Variants in NCKAP1L observed in about 807,000 individuals in gnomAD.
The protein encoded by NCKAP1L is nck-associated protein 1-like.
In NCKAP1L, 53 loss-of-function variants were observed where a neutral mutation model predicts 139.2. The ratio of observed to expected loss-of-function variants is 0.38; its 90% CI spans 0.31 to 0.48. The LOEUF is 0.48. Among genes scored for constraint, NCKAP1L ranks in the 20% least tolerant of loss-of-function variants. NCKAP1L has a pLI of 0.98. For synonymous variants in NCKAP1L, 468 were observed against 499.7 expected (o/e 0.94, Z 0.85); for missense variants, 1,151 against 1,381.9 (o/e 0.83, Z 2.65).
At chr12:54,542,151 G>A (rs185959290) in intron 30 of NCKAP1L, among the ~76,000 whole-genome samples, 1 of 152,250 alleles carries the variant, frequency 6.6e-6, no homozygotes, top group East Asian at 1.9e-4. Flanking sequence ...GGACCCATGT[G>A]GATTCCAGGC....
At position 54,523,864 on chromosome 12, in the gene NCKAP1L, G is replaced by C; in HGVS notation, c.2064G>C (p.Leu688=). ...ACCTAAACTTGACAGAACTGGCACTGACAATGAATCATGTATACAGTTTCT... is the reference window on the plus strand; with the variant it reads ...ACCTAAACTTGACAGAACTGGCACTCACAATGAATCATGTATACAGTTTCT... ...KLHLNLTELA[L]TMNHVYSFSV... is the part of the protein sequence containing the mutation. The change falls in exon 20 of 31, where the codon CTG becomes CTC. Residue 688 remains leucine (L), a synonymous_variant. Transcript: ENST00000293373. 6.2e-7 allele frequency: 1 copy of C among 1,614,140 alleles called. No homozygotes were observed. The highest frequency in any genetic ancestry group is 8.5e-7 in the Non-Finnish European group (1 of 1,180,006).
rs753472065 is a variant in NCKAP1L at position 54,508,409 on chromosome 12, T to G, written c.384T>G (p.Thr128=). The G allele has an allele frequency of 2.5e-6, 4 of 1,614,158 alleles. No individual in the cohort carries two copies. In the Admixed American group the frequency reaches 6.7e-5, roughly 27 times the overall value. ...TGTAGAATCTCAACTTTGATTTCAC[T>G]CGGAGTTACCTGGACTTGATTGTAA... The part of the protein sequence containing the change: ...HFDINLNFDF[T]RSYLDLIVTY... Residue 128 remains threonine (T), a synonymous_variant, in exon 5 of 31, where the codon ACT becomes ACG. Coordinates refer to ENST00000293373, the MANE Select transcript of NCKAP1L (RefSeq NM_005337.5).
At position 54,521,102 on chromosome 12, in the gene NCKAP1L, G is replaced by A. The variant is rs777684853; in HGVS notation, c.1759-17G>A. On this transcript the variant is annotated splice_polypyrimidine_tract_variant and intron_variant, in intron 17 of 30. Coordinates refer to ENST00000293373, the MANE Select transcript of NCKAP1L (RefSeq NM_005337.5). ...GCTGGTGATGACAGTCTCTTCTTTG[G>A]TCCCTCTTTCCCATAGTACCCCCAC... 2.5e-6 allele frequency: 4 copies of A among 1,613,794 alleles called. No individual in the cohort carries two copies. Among genetic ancestry groups the A allele is most frequent in the Non-Finnish European group, 3.4e-6 (4 of 1,179,838 alleles).
chr12:54,508,555 A>G (rs1175867528), intron 5 of NCKAP1L, 24 bp downstream of exon 5: 7 of 1,611,960 alleles, frequency 4.3e-6, no homozygotes, highest in African/African-American at 1.3e-5. Flanking sequence ...AGAGTATTAT[A>G]TGAAGAGTCT....
At position 54,548,059 on chromosome 12, in the gene NCKAP1L, G is replaced by C. The variant is rs1957213369; in HGVS notation, c.*5374G>C. On this transcript the variant is annotated 3_prime_UTR_variant, in exon 31 of 31. Transcript: ENST00000293373. Reference sequence around the variant, plus strand: ...CTAACTTGGCAATTCTTTTATGTTAGGAGTCTTAGCTGTGACAGTTCATCC... The same window carrying C: ...CTAACTTGGCAATTCTTTTATGTTACGAGTCTTAGCTGTGACAGTTCATCC... The C allele has an allele frequency of 6.7e-6, 1 of 150,198 alleles. No homozygotes were observed. The highest frequency in any genetic ancestry group is 7.3e-5 in the Admixed American group (1 of 13,614). 9.3% of individuals were successfully genotyped at this position (150,198 alleles called of 1,614,324 possible). A position where few individuals can be genotyped will look rare whatever the true frequency, so the allele number is the denominator to read the frequency against.
rs568543952 is a variant in NCKAP1L, at chr12:54,533,874, G to A, written c.2863-1230G>A. On this transcript the variant is annotated intron_variant, in intron 26 of 30. Transcript: ENST00000293373. The stretch of plus-strand genomic sequence containing the variant: ...CATGAGCCATTGCTCTGGCCAGTCT[G>A]TGGGATTACTTGCATAAGATACTTA... Among the ~76,000 whole-genome samples the A allele has an allele frequency of 5.1e-4, 78 of 152,336 alleles. No individual in the cohort carries two copies. The South Asian group carries it at 9.1e-3, about 18-fold the overall frequency.
Position 54,503,700 on chromosome 12 carries a change from C to T in NCKAP1L, c.306+3075C>T, listed in dbSNP as rs916916928. Among the ~76,000 whole-genome samples the T allele has an allele frequency of 8.0e-5, 12 of 149,130 alleles. 2 individuals carry two copies. Among genetic ancestry groups the T allele is most frequent in the African/African-American group, 2.5e-4 (10 of 40,292 alleles). On this transcript the variant is annotated intron_variant, in intron 3 of 30. Transcript: ENST00000293373. ...TGTTGCCCAGGCTGGAATACAGTGG[C>T]GTGATCTCGGCTCACTGCTGCCTCC...
intron 16 of NCKAP1L, among the ~76,000 whole-genome samples, chr12:54,520,002 T>C (rs1956968789): frequency 6.6e-6 from 1 of 152,106 alleles, no homozygotes; most frequent in Non-Finnish European, 1.5e-5. Context: ...GAGAATGAGC[T>C]GAATGAGTTT....
intron 14 of NCKAP1L, 64 bp downstream of exon 14, chr12:54,518,796 A>T: frequency 3.9e-6 from 6 of 1,539,286 alleles, no homozygotes; most frequent in Non-Finnish European, 5.4e-6. Flanking sequence ...ATCCGGAAAT[A>T]TTGATCTTTG....
chr12:54,528,688 C>G (rs1358334914), intron 22 of NCKAP1L, among the ~76,000 whole-genome samples: 1 of 151,470 alleles, frequency 6.6e-6, no homozygotes, highest in Non-Finnish European at 1.5e-5. Context: ...TGCAGCGGCA[C>G]TATCTTGGCT....
At chr12:54,517,197 A>G (rs1956940463) in intron 11 of NCKAP1L, among the ~76,000 whole-genome samples, 1 of 152,194 alleles carries the variant, frequency 6.6e-6, no homozygotes, top group Admixed American at 6.6e-5. Flanking sequence ...GTGTATTAAG[A>G]TTACTTTTAT....
chr12:54,500,166 C>G (rs1459459783), intron 2 of NCKAP1L, among the ~76,000 whole-genome samples: 1 of 151,524 alleles, frequency 6.6e-6, no homozygotes, highest in East Asian at 1.9e-4. Flanking sequence ...CTCTGTCACC[C>G]AGGCTGGAGT....
At chr12:54,506,796 A>AAAAAAAAATATATATATAT in intron 3 of NCKAP1L, among the ~76,000 whole-genome samples, 10 of 50,606 alleles carry the variant, frequency 2.0e-4, no homozygotes, top group African/African-American at 3.3e-4. Flanking sequence ...AAAAAAAAAA[A>AAAAAAAAATATATATATAT]ATATATATAT....
intron 3 of NCKAP1L, among the ~76,000 whole-genome samples, chr12:54,506,400 A>T (rs1956839195): frequency 6.6e-6 from 1 of 151,682 alleles, no homozygotes; most frequent in South Asian, 2.1e-4. Context: ...TGTGCTTATT[A>T]TAAATATATA....
chr12:54,509,800 T>A, intron 6 of NCKAP1L, 41 bp downstream of exon 6: 1 of 1,614,160 alleles, frequency 6.2e-7, no homozygotes, highest in Middle Eastern at 1.6e-4. Flanking sequence ...GGCAAAAGTA[T>A]ATTGTCCTCA....
intron 18 of NCKAP1L, among the ~76,000 whole-genome samples, chr12:54,521,786 A>C (rs959677898): frequency 2.6e-5 from 4 of 152,094 alleles, no homozygotes; most frequent in African/African-American, 9.7e-5. Flanking sequence ...AAATTTGAAA[A>C]TGAGAAACTT....
At position 54,542,593 on chromosome 12, in the gene NCKAP1L, T is replaced by C; in HGVS notation, c.3292T>C (p.Phe1098Leu). Reference protein sequence around the residue: ...LMRLVVEESSFLTLDMLESCF... With the variant: ...LMRLVVEESSLLTLDMLESCF... Reference sequence around the variant, plus strand: ...CTTTCAGGTGGTGGAGGAGTCATCCTTCCTGACCCTGGACATGCTGGAGTC... The same window carrying C: ...CTTTCAGGTGGTGGAGGAGTCATCCCTCCTGACCCTGGACATGCTGGAGTC... Residue 1098 changes from phenylalanine to leucine, a missense_variant, in exon 31 of 31, where the codon TTC (phenylalanine) becomes CTC (leucine). By Grantham distance (22) the Phe-to-Leu change is conservative (BLOSUM62 0). Transcript: ENST00000293373. 1.2e-6 allele frequency: 2 copies of C among 1,614,102 alleles called. No homozygotes were observed. The highest frequency in any genetic ancestry group is 2.2e-5 in the South Asian group (2 of 91,082).
intron 3 of NCKAP1L, among the ~76,000 whole-genome samples, chr12:54,501,411 C>T (rs1331883254): frequency 2.6e-5 from 4 of 152,082 alleles, no homozygotes; most frequent in South Asian, 2.1e-4. Flanking sequence ...CTGCTATGAA[C>T]GTGGGTGTAC....
rs146917559 is a variant in NCKAP1L at position 54,507,861 on chromosome 12, A to G, written c.315A>G (p.Val105=). The change falls in exon 4 of 31, where the codon GTA becomes GTG. Residue 105 remains valine, a synonymous_variant. Transcript: ENST00000293373. ...FVDVMEFRDH[V]YELLNTIDAC... ...TTCACTTCCACCCCCAGGATCATGT[A>G]TATGAACTTCTCAACACCATTGATG... 1.2e-4 allele frequency: 197 copies of G among 1,613,848 alleles called. 1 individual carries two copies. Among genetic ancestry groups the G allele is most frequent in the Middle Eastern group, 1.6e-4 (1 of 6,062 alleles).
Sources: gnomAD v4.1 joint callset for allele counts (sites outside exome capture counted in the v4.1 genomes callset) on GRCh38, gnomAD v4.1.1 for gene constraint, MANE v1.5 for transcripts, NCBI Gene and HGNC (gene_info 2026-07-23, HGNC 2026-07-21) for gene names.